MYBPC1: variants seen among roughly 807,000 people sequenced by gnomAD.
MYBPC1 encodes the protein myosin binding protein C1, also known as myosin-binding protein C, slow-type.
MYBPC1 carries 52 observed loss-of-function variants against 147.1 expected under a neutral mutation model. That is an observed-to-expected ratio of 0.35 (90% CI 0.28 to 0.45). The LOEUF (loss-of-function observed/expected upper bound fraction) is 0.45, where lower values mean the gene tolerates loss of function less well. MYBPC1 is among the 20% of genes least tolerant of loss of function. MYBPC1 has a pLI of 1.00. For synonymous variants in MYBPC1, 477 were observed against 475.9 expected (o/e 1.00, Z -0.03); for missense variants, 1,228 against 1,440.3 (o/e 0.85, Z 2.39).
intron 3 of MYBPC1, among the ~76,000 whole-genome samples, chr12:101,625,195 T>G (rs58463949): frequency 1.3e-5 from 1 of 75,124 alleles, no homozygotes; most frequent in Non-Finnish European, 2.7e-5. Context: ...AAAAAAAAAA[T>G]AAATAAATAA....
intron 4 of MYBPC1, 83 bp from the exon 5 acceptor site, chr12:101,627,686 G>GT: frequency 6.7e-7 from 1 of 1,485,366 alleles, no homozygotes; most frequent in Non-Finnish European, 9.4e-7. Flanking sequence ...GGGTTTAGGG[G>GT]AATCCAAGAA....
intron 12 of MYBPC1, 133 bp from the exon 13 acceptor site, chr12:101,646,630 C>G: frequency 9.8e-7 from 1 of 1,023,694 alleles, no homozygotes; most frequent in Non-Finnish European, 1.5e-6. Flanking sequence ...CAGAGCAAGA[C>G]CCTGTCTCAA....
In MYBPC1 at chr12:101,685,808, A is replaced by ACC; in HGVS notation, c.*246_*247insCC. ...TCTTTTTCTTTCCTCCTAATGTTGA[A>ACC]GAGAAAAAAAAAAAAAAAAGTTTGC... On this transcript the variant is annotated 3_prime_UTR_variant, in exon 32 of 32. Coordinates refer to ENST00000361466, the MANE Select transcript of MYBPC1 (RefSeq NM_002465.4). The ACC allele has an allele frequency of 1.8e-6, 1 of 551,442 alleles. No homozygotes were observed. The allele number at this position is 551,442 out of a possible 1,614,324, so 34.2% of individuals were successfully genotyped here.
At chr12:101,652,122 A>G (rs1217784942) in intron 16 of MYBPC1, among the ~76,000 whole-genome samples, 2 of 152,236 alleles carry the variant, frequency 1.3e-5, no homozygotes, top group Non-Finnish European at 2.9e-5. Context: ...CTTTGAATTC[A>G]TGGGCTTTTA....
intron 25 of MYBPC1, among the ~76,000 whole-genome samples, chr12:101,674,943 A>G (rs1436627162): frequency 6.6e-6 from 1 of 151,624 alleles, no homozygotes; most frequent in African/African-American, 2.4e-5. Flanking sequence ...CATTGTTATC[A>G]TTGTATTTCA....
intron 23 of MYBPC1, chr12:101,669,941 A>G (rs1349411200): frequency 9.6e-5 from 23 of 239,214 alleles, no homozygotes; most frequent in South Asian, 2.2e-4. Context: ...AAAAAAAAAG[A>G]AAAAAAAAAA....
At chr12:101,613,598 G>A (rs142641688) in intron 1 of MYBPC1, among the ~76,000 whole-genome samples, 85 of 152,286 alleles carry the variant, frequency 5.6e-4, no homozygotes, top group African/African-American at 1.6e-3. Context: ...GATTTGGCAC[G>A]GGAAATGCTA....
intron 3 of MYBPC1, among the ~76,000 whole-genome samples, chr12:101,623,411 C>T (rs983486569): frequency 6.6e-6 from 1 of 152,126 alleles, no homozygotes; most frequent in African/African-American, 2.4e-5. Context: ...CACATGTACC[C>T]CATAAATATG....
rs1593858536 is a variant in MYBPC1, at chr12:101,644,529, T to C, written c.833-135T>C. On this transcript the variant is annotated intron_variant, in intron 11 of 31. Transcript: ENST00000361466. ...CAGTGTTCGAAATATAAAGGATAAT[T>C]TGGAAGGTTTCTGATTTTTTTCTTG... 5 of 777,750 alleles carry C rather than the reference T, an allele frequency of 6.4e-6. No homozygotes were observed. In the East Asian group the frequency reaches 1.3e-4, roughly 21 times the overall value. The allele number at this position is 777,750 out of a possible 1,614,324, so 48.2% of individuals were successfully genotyped here.
chr12:101,644,380 T>C (rs184617685), intron 11 of MYBPC1, among the ~76,000 whole-genome samples: 1 of 152,304 alleles, frequency 6.6e-6, no homozygotes, highest in African/African-American at 2.4e-5. Flanking sequence ...CGCTTTATAG[T>C]GTACATTCCC....
intron 23 of MYBPC1, among the ~76,000 whole-genome samples, 155 bp from the exon 24 acceptor site, chr12:101,670,166 G>A (rs1898324240): frequency 2.2e-5 from 3 of 138,192 alleles, no homozygotes; most frequent in African/African-American, 7.8e-5. Flanking sequence ...TTTTGAACCA[G>A]TTACTATATA....
intron 22 of MYBPC1, among the ~76,000 whole-genome samples, chr12:101,665,644 G>A (rs1897291814): frequency 6.6e-6 from 1 of 152,010 alleles, no homozygotes; most frequent in Admixed American, 6.6e-5. Flanking sequence ...CTTTGTCTGT[G>A]TTTCCCCAAT....
chr12:101,646,638 C>CA (rs35547157), intron 12 of MYBPC1, 125 bp from the exon 13 acceptor site: 23,412 of 1,096,052 alleles, frequency 0.021, 221 homozygotes, highest in African/African-American at 0.046. Context: ...GACCCTGTCT[C>CA]AAAAAAAAAC....
chr12:101,685,670 T>C lies in MYBPC1; in HGVS notation c.*108T>C. ...TGCGAGACTTACACTCAAGCAATCC[T>C]GAGGAATACTGAGGGAGGGCCTGGC... On this transcript the variant is annotated 3_prime_UTR_variant, in exon 32 of 32. Coordinates refer to ENST00000361466, the MANE Select transcript of MYBPC1 (RefSeq NM_002465.4). 6.6e-7 allele frequency: 1 copy of C among 1,517,102 alleles called. No homozygotes were observed. The highest frequency in any genetic ancestry group is 8.8e-7 in the Non-Finnish European group (1 of 1,130,030). 94.0% of individuals were successfully genotyped at this position (1,517,102 alleles called of 1,614,324 possible).
intron 31 of MYBPC1, among the ~76,000 whole-genome samples, chr12:101,685,307 A>C (rs1295742225): frequency 6.6e-6 from 1 of 152,212 alleles, no homozygotes; most frequent in Non-Finnish European, 1.5e-5. Context: ...ATACTTTCCA[A>C]CCACTTGGGA....
chr12:101,616,320 T>C (rs1238367619), intron 2 of MYBPC1, among the ~76,000 whole-genome samples: 2 of 152,228 alleles, frequency 1.3e-5, no homozygotes, highest in African/African-American at 2.4e-5. Context: ...ACTGAGAACC[T>C]ACTGGCCATT....
chr12:101,648,299 TA>T, intron 14 of MYBPC1, 149 bp downstream of exon 14: 1 of 588,076 alleles, frequency 1.7e-6, no homozygotes, highest in East Asian at 3.4e-5. Context: ...AATAAAAGTA[TA>T]CTAATATACT....
chr12:101,654,583 T>C (rs1593927918), intron 18 of MYBPC1, among the ~76,000 whole-genome samples: 2 of 152,118 alleles, frequency 1.3e-5, no homozygotes, highest in Admixed American at 6.6e-5. Context: ...CTATACATAC[T>C]GGAGGAGAGA....
chr12:101,643,681 A>G (rs1892526554), intron 11 of MYBPC1, among the ~76,000 whole-genome samples: 1 of 152,184 alleles, frequency 6.6e-6, no homozygotes, highest in African/African-American at 2.4e-5. Context: ...AGCAGGAAAA[A>G]AACTTATTAA....
Sources: allele counts gnomAD v4.1 joint callset (sites outside exome capture counted in the v4.1 genomes callset), GRCh38; gene constraint gnomAD v4.1.1; transcripts MANE v1.5; gene names NCBI Gene and HGNC (gene_info 2026-07-23, HGNC 2026-07-21).